HPSE2: variants seen among roughly 807,000 people sequenced by gnomAD.
HPSE2 encodes the protein heparanase 2 (inactive).
HPSE2 carries 38 observed loss-of-function variants against 60.5 expected under a neutral mutation model. That is an observed-to-expected ratio of 0.63 (90% confidence interval 0.48 to 0.82). The LOEUF is 0.82. HPSE2 is among the 40% of genes least tolerant of loss of function. The probability of loss-of-function intolerance (pLI) is 0.00; values close to 1 mark genes in which losing one functional copy is unlikely to be tolerated. For synonymous variants in HPSE2, 295 were observed against 293.2 expected, an observed-to-expected ratio of 1.01 and a Z score of -0.06; for missense variants, 713 against 740.4, an observed-to-expected ratio of 0.96 and a Z score of 0.43.
chr10:98,609,465 A>G (rs1000132874), intron 9 of HPSE2, among the ~76,000 whole-genome samples: 1 of 152,226 alleles, frequency 6.6e-6, no homozygotes, highest in African/African-American at 2.4e-5. Flanking sequence ...CTTAAAAGCA[A>G]TAATGCTGAT....
At chr10:99,247,646 A>G in the HPSE2 span, among the ~76,000 whole-genome samples, 1 of 152,220 alleles carries the variant, frequency 6.6e-6, no homozygotes, top group Non-Finnish European at 1.5e-5. Flanking sequence ...GCTTTCTTCA[A>G]GACACACATC....
At chr10:98,706,434 C>T (rs1032466059) in intron 5 of HPSE2, among the ~76,000 whole-genome samples, 1 of 152,112 alleles carries the variant, frequency 6.6e-6, no homozygotes, top group Non-Finnish European at 1.5e-5. Context: ...CTCAGGGCCT[C>T]TGCTACAAGA....
chr10:98,556,768 T>A (rs775099215), intron 9 of HPSE2, among the ~76,000 whole-genome samples: 2 of 152,216 alleles, frequency 1.3e-5, no homozygotes, highest in East Asian at 3.8e-4. Flanking sequence ...GCAACCTCTG[T>A]CAGAATTTCA....
intron 3 of HPSE2, among the ~76,000 whole-genome samples, chr10:98,982,580 G>A (rs558078850): frequency 3.9e-5 from 6 of 152,090 alleles, no homozygotes; most frequent in African/African-American, 1.4e-4. Flanking sequence ...AAACAGATAT[G>A]GCTTTCTAAT....
At position 98,457,232 on chromosome 10, in the gene HPSE2, A is replaced by T. The variant is rs1461038194; in HGVS notation, c.*2342T>A. 6.6e-6 allele frequency: 1 copy of T among 152,262 alleles called. No individual in the cohort carries two copies. Among genetic ancestry groups the T allele is most frequent in the African/African-American group, 2.4e-5 (1 of 41,476 alleles). The allele number at this position is 152,262 out of a possible 1,614,324, so 9.4% of individuals were successfully genotyped here. A position where few individuals can be genotyped will look rare whatever the true frequency, so the allele number is the denominator to read the frequency against. ...TAAAAAAAAATCAACACTTATTTAC[A>T]GAAAGTGTGTTTGAGTGGAGTTCTG... On this transcript the variant is annotated 3_prime_UTR_variant, in exon 12 of 12. Transcript: ENST00000370552.
At position 99,112,896 on chromosome 10, in the gene HPSE2, C is replaced by T. The variant is rs139921117; in HGVS notation, c.610+31342G>A. Among the ~76,000 whole-genome samples the T allele has an allele frequency of 7.2e-5, 11 of 152,180 alleles. No homozygotes were observed. In the East Asian group the frequency reaches 2.1e-3, roughly 29 times the overall value. Reference sequence around the variant, plus strand: ...TAGTGTGGCAAGTATGTTCAATTGCCCACACCCACGCAATCTCTATAATAA... The same window carrying T: ...TAGTGTGGCAAGTATGTTCAATTGCTCACACCCACGCAATCTCTATAATAA... On this transcript the variant is annotated intron_variant, in intron 3 of 11. Transcript: ENST00000370552.
At chr10:99,164,868 G>A (rs1035146714) in intron 2 of HPSE2, among the ~76,000 whole-genome samples, 14 of 151,932 alleles carry the variant, frequency 9.2e-5, no homozygotes, top group African/African-American at 2.4e-4. Context: ...GGCGGATCAC[G>A]AGGTCAGGAG....
intron 3 of HPSE2, among the ~76,000 whole-genome samples, chr10:98,982,936 G>A (rs868241938): frequency 1.3e-5 from 2 of 152,128 alleles, no homozygotes; most frequent in Admixed American, 6.5e-5. Context: ...AGACTAGTTC[G>A]GGAGACATTC....
chr10:98,902,700 T>C (rs1953699699), intron 3 of HPSE2, among the ~76,000 whole-genome samples: 2 of 152,180 alleles, frequency 1.3e-5, no homozygotes, highest in Admixed American at 1.3e-4. Flanking sequence ...CATTTAATTG[T>C]ATGCAAACTT....
chr10:99,258,659 T>C, the HPSE2 span, among the ~76,000 whole-genome samples: 6 of 152,206 alleles, frequency 3.9e-5, no homozygotes, highest in Non-Finnish European at 7.3e-5. Context: ...CAAGGCAATG[T>C]ATTATTGGCA....
At position 99,235,567 on chromosome 10, in the gene HPSE2, A is replaced by G. The variant is rs1184745519; in HGVS notation, c.236T>C (p.Leu79Pro). 1 of 1,614,086 alleles carries G rather than the reference A, an allele frequency of 6.2e-7. No homozygotes were observed. Among genetic ancestry groups the G allele is most frequent in the Non-Finnish European group, 8.5e-7 (1 of 1,180,010 alleles). ...NPVRTVNENF[L>P]SLQLDPSIIH... ...GATGGACGGATCCAGCTGCAGAGAG[A>G]GGAAGTTCTCATTGACTGTCCTGAC... The change falls in exon 1 of 12, where the codon CTC becomes CCC. Residue 79 changes from leucine (L) to proline (P), a missense_variant. Physicochemically the swap from Leu to Pro is moderately conservative, Grantham distance 98. Transcript: ENST00000370552.
At chr10:99,083,596 ATGACATGGTAC>A (rs1843217206) in intron 3 of HPSE2, among the ~76,000 whole-genome samples, 2 of 152,206 alleles carry the variant, frequency 1.3e-5, no homozygotes, top group South Asian at 4.1e-4. Flanking sequence ...CTTATTTTAT[ATGACATGGTAC>A]CCCAGATTTA....
At chr10:99,208,519 T>C (rs535755399) in intron 2 of HPSE2, among the ~76,000 whole-genome samples, 1 of 152,110 alleles carries the variant, frequency 6.6e-6, no homozygotes, top group South Asian at 2.1e-4. Flanking sequence ...ACCCCATCTC[T>C]GCAAAAAATA....
At chr10:98,496,893 T>TA (rs992956302) in intron 9 of HPSE2, among the ~76,000 whole-genome samples, 1 of 151,466 alleles carries the variant, frequency 6.6e-6, no homozygotes, top group African/African-American at 2.4e-5. Flanking sequence ...CATGGAGAAT[T>TA]AAAAAAAAAT....
At chr10:99,032,991 T>C (rs1957531515) in intron 3 of HPSE2, among the ~76,000 whole-genome samples, 1 of 152,226 alleles carries the variant, frequency 6.6e-6, no homozygotes, top group African/African-American at 2.4e-5. Context: ...CTTAATTTCA[T>C]CTACAACTTA....
chr10:98,544,780 C>G (rs1481886933), intron 9 of HPSE2, among the ~76,000 whole-genome samples: 1 of 148,118 alleles, frequency 6.8e-6, no homozygotes, highest in African/African-American at 2.5e-5. Flanking sequence ...CAAAAGCTAG[C>G]AGAACGCAAG....
At position 99,164,724 on chromosome 10, in the gene HPSE2, C is replaced by T. The variant is rs578103837; in HGVS notation, c.449-20325G>A. On this transcript the variant is annotated intron_variant, in intron 2 of 11. Coordinates refer to ENST00000370552, the MANE Select transcript of HPSE2 (RefSeq NM_021828.5). ...ACACTCTAGTCCAACTCCAATCCAA[C>T]ACTAAAGAATTCATTTTAGGCCAGG... Among the ~76,000 whole-genome samples the T allele has an allele frequency of 6.6e-5, 10 of 152,324 alleles. No individual in the cohort carries two copies. In the East Asian group the frequency reaches 1.2e-3, roughly 18 times the overall value.
intron 11 of HPSE2, among the ~76,000 whole-genome samples, chr10:98,475,156 C>T (rs1465689623): frequency 7.6e-5 from 11 of 145,626 alleles, no homozygotes; most frequent in African/African-American, 1.0e-4. Context: ...CTCGCTCTGT[C>T]GCCCAGGCTG....
intron 9 of HPSE2, among the ~76,000 whole-genome samples, chr10:98,548,715 C>G (rs140263148): frequency 1.3e-5 from 2 of 152,092 alleles, no homozygotes; most frequent in Admixed American, 1.3e-4. Context: ...GTAGGAATTG[C>G]GCAGGAGCAC....
Sources: allele counts gnomAD v4.1 joint callset (sites outside exome capture counted in the v4.1 genomes callset), GRCh38; gene constraint gnomAD v4.1.1; transcripts MANE v1.5; gene names NCBI Gene and HGNC (gene_info 2026-07-23, HGNC 2026-07-21).